KLHL32: variants seen among roughly 807,000 people sequenced by gnomAD.
KLHL32 encodes the protein kelch-like protein 32.
In KLHL32, 35 loss-of-function variants were observed where a neutral mutation model predicts 64.8. The ratio of observed to expected loss-of-function variants is 0.54; its 90% CI spans 0.41 to 0.72. The LOEUF (loss-of-function observed/expected upper bound fraction) is 0.72, where lower values mean the gene tolerates loss of function less well. Among genes scored for constraint, KLHL32 ranks in the 30% least tolerant of loss-of-function variants. The probability of loss-of-function intolerance (pLI) is 0.00; values close to 1 mark genes in which losing one functional copy is unlikely to be tolerated. For missense variants in KLHL32, 589 were observed against 768.5 expected, an observed-to-expected ratio of 0.77 and a Z score of 2.76; for synonymous variants, 259 against 281.0, an observed-to-expected ratio of 0.92 and a Z score of 0.78.
intron 4 of KLHL32, among the ~76,000 whole-genome samples, chr6:97,048,404 G>GA (rs974138931): frequency 2.2e-4 from 34 of 152,174 alleles, no homozygotes; most frequent in Admixed American, 5.9e-4. Flanking sequence ...CTGACCCAGA[G>GA]AATGCTTCAA....
rs750514436 is a variant in KLHL32 at position 97,139,312 on chromosome 6, A to G, written c.*30A>G. ...CCAAGCCATCATGAACAGGAGGAAA[A>G]CATAGCTCTGACTGTTGGATACTGG... On this transcript the variant is annotated 3_prime_UTR_variant, in exon 11 of 11. Coordinates refer to ENST00000369261, the MANE Select transcript of KLHL32 (RefSeq NM_052904.4). 6.3e-7 allele frequency: 1 copy of G among 1,588,568 alleles called. No individual in the cohort carries two copies. Among genetic ancestry groups the G allele is most frequent in the Non-Finnish European group, 8.6e-7 (1 of 1,161,770 alleles).
intron 6 of KLHL32, among the ~76,000 whole-genome samples, chr6:97,087,542 A>G (rs1264858891): frequency 1.3e-5 from 2 of 152,198 alleles, no homozygotes; most frequent in Non-Finnish European, 1.5e-5. Context: ...TCCCTATCCC[A>G]TGTCTTAAAG....
At position 97,127,388 on chromosome 6, in the gene KLHL32, T is replaced by C. The variant is rs1467985820; in HGVS notation, c.1355-16T>C. ...TTTATTCATGAAAAGCTCTAACACA[T>C]GTTAATCCATTACAGGTGGAGTAAC... is the stretch of plus-strand genomic sequence containing the variant. On this transcript the variant is annotated splice_polypyrimidine_tract_variant and intron_variant, in intron 7 of 10. Coordinates refer to ENST00000369261, the MANE Select transcript of KLHL32 (RefSeq NM_052904.4). The C allele has an allele frequency of 2.5e-6, 4 of 1,603,914 alleles. No individual in the cohort carries two copies. Among genetic ancestry groups the C allele is most frequent in the Non-Finnish European group, 2.6e-6 (3 of 1,171,004 alleles).
At chr6:97,075,530 C>A (rs1791460272) in intron 5 of KLHL32, among the ~76,000 whole-genome samples, 1 of 152,178 alleles carries the variant, frequency 6.6e-6, no homozygotes, top group Non-Finnish European at 1.5e-5. Context: ...CAGAGCCCTT[C>A]ACATGCACAA....
intron 7 of KLHL32, among the ~76,000 whole-genome samples, chr6:97,117,295 G>A (rs1030734280): frequency 6.6e-6 from 1 of 152,200 alleles, no homozygotes; most frequent in African/African-American, 2.4e-5. Flanking sequence ...TTAATTGATG[G>A]GAATTGAATC....
intron 5 of KLHL32, among the ~76,000 whole-genome samples, 157 bp downstream of exon 5, chr6:97,064,883 T>A (rs545282694): frequency 6.6e-6 from 1 of 152,212 alleles, no homozygotes; most frequent in African/African-American, 2.4e-5. Context: ...GAGAAGTTCC[T>A]AGGAGGGCGG....
chr6:96,941,864 A>G (rs1291753293), intron 1 of KLHL32, among the ~76,000 whole-genome samples: 1 of 152,052 alleles, frequency 6.6e-6, no homozygotes, highest in Non-Finnish European at 1.5e-5. Flanking sequence ...GTTGTGTGTA[A>G]TTGGGATGAG....
chr6:96,921,884 T>A (rs935343293), upstream of KLHL32, among the ~76,000 whole-genome samples: 1 of 152,092 alleles, frequency 6.6e-6, no homozygotes, highest in African/African-American at 2.4e-5. Context: ...ATGAAAAAAA[T>A]GCTGCAGAAA....
chr6:97,096,057 G>A (rs1014103074), intron 6 of KLHL32, among the ~76,000 whole-genome samples: 8 of 151,826 alleles, frequency 5.3e-5, no homozygotes, highest in South Asian at 4.2e-4. Context: ...AATATTGCAC[G>A]GAAAATTCAA....
At chr6:97,130,989 C>A in intron 9 of KLHL32, 40 bp downstream of exon 9, 1 of 1,566,582 alleles carries the variant, frequency 6.4e-7, no homozygotes, top group South Asian at 1.1e-5. Flanking sequence ...AAAGTAGATT[C>A]AAGAAGTCAC....
intron 6 of KLHL32, among the ~76,000 whole-genome samples, chr6:97,086,317 T>C (rs1793405919): frequency 6.6e-6 from 1 of 152,248 alleles, no homozygotes; most frequent in Non-Finnish European, 1.5e-5. Flanking sequence ...AGTAGCTAAC[T>C]CTACTGACTG....
intron 1 of KLHL32, among the ~76,000 whole-genome samples, chr6:96,960,537 C>G (rs1773775434): frequency 1.3e-5 from 2 of 152,244 alleles, no homozygotes; most frequent in Non-Finnish European, 2.9e-5. Flanking sequence ...GAGTATTACA[C>G]TAAAACATTA....
intron 3 of KLHL32, among the ~76,000 whole-genome samples, chr6:97,004,889 T>C (rs905483573): frequency 6.6e-6 from 1 of 152,064 alleles, no homozygotes; most frequent in Admixed American, 6.6e-5. Flanking sequence ...TATTTTGTTG[T>C]GGATTTTTGC....
At chr6:97,025,425 T>C (rs1375191833) in intron 3 of KLHL32, among the ~76,000 whole-genome samples, 1 of 152,222 alleles carries the variant, frequency 6.6e-6, no homozygotes, top group Admixed American at 6.5e-5. Flanking sequence ...ATAATCACAA[T>C]ACAAGTATTA....
At chr6:96,940,306 C>G (rs1192917800) in intron 1 of KLHL32, among the ~76,000 whole-genome samples, 3 of 151,954 alleles carry the variant, frequency 2.0e-5, no homozygotes, top group Non-Finnish European at 4.4e-5. Context: ...AATTAAATCT[C>G]AAGGAACTGT....
At chr6:96,964,155 A>G (rs1388959560) in intron 1 of KLHL32, among the ~76,000 whole-genome samples, 3 of 147,272 alleles carry the variant, frequency 2.0e-5, no homozygotes, top group African/African-American at 7.7e-5. Flanking sequence ...CTCAGCTCTG[A>G]TTATTTCTGG....
intron 4 of KLHL32, among the ~76,000 whole-genome samples, chr6:97,055,087 G>A (rs1330465433): frequency 6.6e-6 from 1 of 152,166 alleles, no homozygotes; most frequent in East Asian, 1.9e-4. Context: ...CCAAATCTCA[G>A]ACAGATACCC....
chr6:97,066,022 A>C (rs1266197684), intron 5 of KLHL32, among the ~76,000 whole-genome samples: 1 of 152,102 alleles, frequency 6.6e-6, no homozygotes, highest in East Asian at 1.9e-4. Context: ...TTTCCTCTCA[A>C]TATTGTTACG....
Position 97,139,340 on chromosome 6 carries a change from A to G in KLHL32, c.*58A>G. ...TAGCTCTGACTGTTGGATACTGGGCATGAAAAGACTCAGTGCTCCATGCTT... is the reference window on the plus strand; with the variant it reads ...TAGCTCTGACTGTTGGATACTGGGCGTGAAAAGACTCAGTGCTCCATGCTT... On this transcript the variant is annotated 3_prime_UTR_variant, in exon 11 of 11. Transcript: ENST00000369261. 1 of 1,423,190 alleles carries G rather than the reference A, an allele frequency of 7.0e-7. No homozygotes were observed. Among genetic ancestry groups the G allele is most frequent in the Non-Finnish European group, 9.7e-7 (1 of 1,031,476 alleles). 88.2% of individuals were successfully genotyped at this position (1,423,190 alleles called of 1,614,324 possible).
Sources: gnomAD v4.1 joint callset for allele counts (sites outside exome capture counted in the v4.1 genomes callset) on GRCh38, gnomAD v4.1.1 for gene constraint, MANE v1.5 for transcripts, NCBI Gene and HGNC (gene_info 2026-07-23, HGNC 2026-07-21) for gene names.